Variants in CDH12 observed in about 807,000 individuals in gnomAD.
The protein encoded by CDH12 is cadherin-12.
In CDH12, 41 loss-of-function variants were observed where a neutral mutation model predicts 74.1. The ratio of observed to expected loss-of-function variants is 0.55; its 90% CI spans 0.43 to 0.72. CDH12 has a LOEUF of 0.72. CDH12 is among the 30% of genes least tolerant of loss of function. The probability of loss-of-function intolerance (pLI) is 0.00; values close to 1 mark genes in which losing one functional copy is unlikely to be tolerated. For synonymous variants in CDH12, 399 were observed against 355.0 expected, an observed-to-expected ratio of 1.12 and a Z score of -1.39; for missense variants, 945 against 977.2, an observed-to-expected ratio of 0.97 and a Z score of 0.44.
chr5:22,201,188 C>T lies in CDH12; in HGVS notation c.-187+11310G>A, dbSNP rs556959213. On this transcript the variant is annotated intron_variant, in intron 4 of 14. Coordinates refer to ENST00000382254, the MANE Select transcript of CDH12 (RefSeq NM_004061.5). Reference sequence around the variant, plus strand: ...CAGATATGATGCAGCATCCAAACCTCACATTGAAATGGATGCAGCCATATT... The same window carrying T: ...CAGATATGATGCAGCATCCAAACCTTACATTGAAATGGATGCAGCCATATT... Among the ~76,000 whole-genome samples the T allele has an allele frequency of 3.9e-5, 6 of 152,246 alleles. No individual in the cohort carries two copies. The East Asian group carries it at 1.2e-3, about 29-fold the overall frequency.
At chr5:22,740,598 A>G (rs923933622) in intron 1 of CDH12, among the ~76,000 whole-genome samples, 31 of 152,128 alleles carry the variant, frequency 2.0e-4, no homozygotes, top group Middle Eastern at 3.2e-3. Context: ...AAAATAAATT[A>G]TTATGAGTAT....
chr5:22,291,722 A>G (rs1737395072), intron 3 of CDH12, among the ~76,000 whole-genome samples: 1 of 152,160 alleles, frequency 6.6e-6, no homozygotes, highest in South Asian at 2.1e-4. Flanking sequence ...TGAAATAACA[A>G]ATGTCTTGTG....
intron 6 of CDH12, among the ~76,000 whole-genome samples, chr5:21,916,871 T>G (rs1327108228): frequency 1.3e-5 from 2 of 152,244 alleles, no homozygotes; most frequent in Non-Finnish European, 2.9e-5. Context: ...TAGCATTTGC[T>G]TTAATGAGTT....
intron 3 of CDH12, among the ~76,000 whole-genome samples, chr5:22,309,948 T>A (rs1428004647): frequency 6.1e-5 from 5 of 82,278 alleles, no homozygotes; most frequent in African/African-American, 9.2e-5. Context: ...TTATCAAGTT[T>A]AAAAAAAAAA....
chr5:21,768,864 T>C (rs192941874), intron 11 of CDH12, among the ~76,000 whole-genome samples: 1 of 152,120 alleles, frequency 6.6e-6, no homozygotes, highest in African/African-American at 2.4e-5. Context: ...TAAACATAAA[T>C]ACAAACACTC....
At chr5:21,761,085 T>C (rs909084742) in intron 12 of CDH12, among the ~76,000 whole-genome samples, 4 of 152,160 alleles carry the variant, frequency 2.6e-5, no homozygotes, top group African/African-American at 9.6e-5. Context: ...AAATTTAGTA[T>C]GAGTTATGTT....
intron 1 of CDH12, among the ~76,000 whole-genome samples, chr5:22,794,987 A>G (rs1748114224): frequency 6.6e-6 from 1 of 152,180 alleles, no homozygotes; most frequent in South Asian, 2.1e-4. Context: ...GACTTAATTC[A>G]TGTAACAATT....
chr5:22,151,875 T>C (rs1030574963), intron 4 of CDH12: 1 of 152,126 alleles, frequency 6.6e-6, no homozygotes, highest in Non-Finnish European at 1.5e-5. Flanking sequence ...GATCTGATAA[T>C]GTCAACTTTT....
At chr5:22,265,546 C>A (rs749755937) in intron 3 of CDH12, among the ~76,000 whole-genome samples, 25 of 152,114 alleles carry the variant, frequency 1.6e-4, no homozygotes, top group Non-Finnish European at 2.8e-4. Context: ...AAATTGGCCT[C>A]ATTTATGTGG....
At chr5:22,416,564 A>T (rs1313770442) in intron 2 of CDH12, among the ~76,000 whole-genome samples, 1 of 152,200 alleles carries the variant, frequency 6.6e-6, no homozygotes, top group African/African-American at 2.4e-5. Flanking sequence ...TAAAGATCAA[A>T]TCAAAAGTGT....
intron 3 of CDH12, among the ~76,000 whole-genome samples, chr5:22,361,344 A>G (rs1054499965): frequency 1.1e-4 from 16 of 152,180 alleles, no homozygotes; most frequent in African/African-American, 3.9e-4. Flanking sequence ...CTTCAAAAAG[A>G]ATAAAAACCT....
chr5:22,501,340 T>C (rs1747324250), intron 2 of CDH12, among the ~76,000 whole-genome samples: 2 of 152,168 alleles, frequency 1.3e-5, no homozygotes. Flanking sequence ...AAGACTGGGA[T>C]ACCTTTTTTA....
intron 4 of CDH12, among the ~76,000 whole-genome samples, chr5:22,113,979 T>A (rs1246192068): frequency 6.6e-6 from 1 of 152,162 alleles, no homozygotes; most frequent in East Asian, 1.9e-4. Context: ...GGATATTTCT[T>A]CTTTTCCAAT....
chr5:22,044,362 A>T lies in CDH12; in HGVS notation c.231+34084T>A, dbSNP rs114912818. ...CTCACAGTTCTGCATGGCTGGAAGGACTCAGGAAACTAACAATCATGGCAG... is the reference window on the plus strand; with the variant it reads ...CTCACAGTTCTGCATGGCTGGAAGGTCTCAGGAAACTAACAATCATGGCAG... On this transcript the variant is annotated intron_variant, in intron 5 of 14. Transcript: ENST00000382254. Among the ~76,000 whole-genome samples the T allele has an allele frequency of 1.2e-3, 185 of 152,256 alleles. 1 individual carries two copies. Among genetic ancestry groups the T allele is most frequent in the African/African-American group, 4.2e-3 (173 of 41,554 alleles).
intron 1 of CDH12, among the ~76,000 whole-genome samples, chr5:22,758,778 G>A (rs989669680): frequency 7.2e-5 from 11 of 152,098 alleles, no homozygotes; most frequent in African/African-American, 2.7e-4. Flanking sequence ...ATGGTCAATG[G>A]AAGGGCTATG....
intron 11 of CDH12, among the ~76,000 whole-genome samples, chr5:21,775,051 G>A (rs1251504975): frequency 1.3e-5 from 2 of 152,126 alleles, no homozygotes; most frequent in Non-Finnish European, 2.9e-5. Context: ...TTCCCTTTAG[G>A]AAATGTTCCA....
chr5:21,963,428 TAG>T (rs1756449269), intron 6 of CDH12, among the ~76,000 whole-genome samples: 1 of 152,280 alleles, frequency 6.6e-6, no homozygotes, highest in South Asian at 2.1e-4. Flanking sequence ...TCGTTATTTT[TAG>T]AGTCTGCCTC....
intron 1 of CDH12, among the ~76,000 whole-genome samples, chr5:22,533,450 T>C (rs540234615): frequency 1.3e-5 from 2 of 152,294 alleles, no homozygotes; most frequent in South Asian, 4.1e-4. Context: ...AAGAGACTTG[T>C]TTTCTATATA....
intron 6 of CDH12, among the ~76,000 whole-genome samples, chr5:21,866,749 C>T (rs1751347880): frequency 6.6e-6 from 1 of 152,048 alleles, no homozygotes; most frequent in Non-Finnish European, 1.5e-5. Flanking sequence ...AAGCTGGCTG[C>T]AGAAATTTGC....
Sources: allele counts gnomAD v4.1 joint callset (sites outside exome capture counted in the v4.1 genomes callset), GRCh38; gene constraint gnomAD v4.1.1; transcripts MANE v1.5; gene names NCBI Gene and HGNC (gene_info 2026-07-23, HGNC 2026-07-21).